Variants in RBM14 observed in about 807,000 individuals in gnomAD.
RBM14 encodes RNA-binding protein 14.
Under a neutral mutation model 52.8 loss-of-function variants are expected in RBM14, and 5 were observed. The observed-to-expected ratio is 0.09, with a 90% CI of 0.05 to 0.20. The LOEUF is 0.20. RBM14 is among the 10% of genes least tolerant of loss of function. The probability of loss-of-function intolerance (pLI) is 1.00; values close to 1 mark genes in which losing one functional copy is unlikely to be tolerated. For synonymous variants in RBM14, 411 were observed against 401.8 expected (o/e 1.02, Z -0.28); for missense variants, 780 against 926.6 (o/e 0.84, Z 2.05).
intron 1 of RBM14, among the ~76,000 whole-genome samples, chr11:66,619,697 G>A (rs914233355): frequency 6.6e-6 from 1 of 151,876 alleles, no homozygotes; most frequent in African/African-American, 2.4e-5. Flanking sequence ...CTCCCGAGTA[G>A]CTGGGACTAC....
In RBM14 at chr11:66,624,119, C is replaced by T. The variant is rs1937677473; in HGVS notation, c.338-95C>T. On this transcript the variant is annotated intron_variant, in intron 1 of 2. Coordinates refer to ENST00000310137, the MANE Select transcript of RBM14 (RefSeq NM_006328.4). This position sits in a 1 kb window ranked among gnomAD's most constrained non-coding sequence, Gnocchi z 4.7. The stretch of plus-strand genomic sequence containing the variant: ...GTTTGGAGGCCTTGGAGGTAGCTGG[C>T]AACAGCTGGGTGCTGTTGTGTGTCC... 6.5e-7 allele frequency: 1 copy of T among 1,540,440 alleles called. No individual in the cohort carries two copies. The highest frequency in any genetic ancestry group is 1.4e-5 in the African/African-American group (1 of 72,632).
rs770992514 is a variant in RBM14, at chr11:66,617,041, G to A, written c.321G>A (p.Glu107=). The A allele has an allele frequency of 6.9e-6, 11 of 1,592,666 alleles. No individual in the cohort carries two copies. Among genetic ancestry groups the A allele is most frequent in the Non-Finnish European group, 9.4e-6 (11 of 1,167,028 alleles). ...TCGAGCGCCGCGGACGCGTCATCGA[G>A]TGTGACGTGGTGAAAGGTAACGCGG... ...SLFERRGRVI[E]CDVVKDYAFV... is the part of the protein sequence containing the mutation. The change falls in exon 1 of 3, where the codon GAG becomes GAA. Residue 107 remains glutamate, a synonymous_variant. Transcript: ENST00000310137.
chr11:66,618,608 G>A, intron 1 of RBM14: 2 of 716,642 alleles, frequency 2.8e-6, no homozygotes, highest in Non-Finnish European at 5.2e-6. Flanking sequence ...TGGTGGGGGA[G>A]GGTCTCAGAT....
Position 66,621,352 on chromosome 11 carries a change from G to C in RBM14, c.338-2862G>C, listed in dbSNP as rs957623295. ...ATAAGGCTCTGGCCATGGGAGTGTT[G>C]AGGACAGAGTTGTGATAATTCATTT... On this transcript the variant is annotated intron_variant, in intron 1 of 2. Coordinates refer to ENST00000310137, the MANE Select transcript of RBM14 (RefSeq NM_006328.4). 2.6e-5 allele frequency among the ~76,000 whole-genome samples: 4 copies of C among 152,036 alleles called. No individual in the cohort carries two copies. In the East Asian group the frequency reaches 5.8e-4, roughly 22 times the overall value.
chr11:66,625,428 A>C lies in RBM14; in HGVS notation c.1552A>C (p.Thr518Pro), dbSNP rs1179533800. The change falls in exon 2 of 3, where the codon ACT becomes CCT. Residue 518 changes from threonine (T) to proline (P), a missense_variant. By Grantham distance (38) the Thr-to-Pro change is conservative (BLOSUM62 -1). This residue lies in a region of RBM14 where 675 missense variants were observed against 697.3 expected (regional missense o/e 0.97). Transcript: ENST00000310137. This position sits in a 1 kb window ranked among gnomAD's most constrained non-coding sequence, Gnocchi z 4.2. ...PSATLAAPYR[T>P]QSSASLAASY... ...TGCCACCCTGGCAGCTCCTTACCGC[A>C]CTCAGTCATCAGCCTCATTGGCTGC... 1.2e-6 allele frequency: 2 copies of C among 1,612,758 alleles called. No individual in the cohort carries two copies. Among genetic ancestry groups the C allele is most frequent in the African/African-American group, 2.7e-5 (2 of 74,618 alleles).
intron 1 of RBM14, among the ~76,000 whole-genome samples, chr11:66,617,852 A>G (rs1858913357): frequency 6.6e-6 from 1 of 152,122 alleles, no homozygotes; most frequent in Non-Finnish European, 1.5e-5. Context: ...CCAGTGCCCT[A>G]GGGCAGTGTC....
intron 1 of RBM14, chr11:66,620,933 C>T (rs547406292): frequency 4.6e-5 from 7 of 152,190 alleles, no homozygotes; most frequent in African/African-American, 1.7e-4. Flanking sequence ...TGCTTGCCAT[C>T]TCCAGGTGGT....
rs962634826 is a variant in RBM14 at position 66,627,232 on chromosome 11, G to A, written c.*564G>A. On this transcript the variant is annotated 3_prime_UTR_variant, in exon 3 of 3. Coordinates refer to ENST00000310137, the MANE Select transcript of RBM14 (RefSeq NM_006328.4). Reference sequence around the variant, plus strand: ...ACTAATGTTCTAGCTGATGGTGAGCGGCACAGTCCCACTTCCCCATCTCCC... The same window carrying A: ...ACTAATGTTCTAGCTGATGGTGAGCAGCACAGTCCCACTTCCCCATCTCCC... 5 of 152,232 alleles carry A rather than the reference G, an allele frequency of 3.3e-5. No individual in the cohort carries two copies. The highest frequency in any genetic ancestry group is 9.7e-5 in the African/African-American group (4 of 41,410). 9.4% of individuals were successfully genotyped at this position (152,232 alleles called of 1,614,324 possible).
Position 66,624,102 on chromosome 11 carries a change from G to A in RBM14, c.338-112G>A, listed in dbSNP as rs1937676688. ...TACTCCTGGAGAGGAGGGTTTGGAG[G>A]CCTTGGAGGTAGCTGGCAACAGCTG... is the stretch of plus-strand genomic sequence containing the variant. On this transcript the variant is annotated intron_variant, in intron 1 of 2. Transcript: ENST00000310137. The surrounding 1 kb of genome is among the most constrained non-coding windows in gnomAD (Gnocchi z 4.7). 6.5e-7 allele frequency: 1 copy of A among 1,528,754 alleles called. No homozygotes were observed. Among genetic ancestry groups the A allele is most frequent in the Admixed American group, 1.9e-5 (1 of 51,462 alleles). The allele number at this position is 1,528,754 out of a possible 1,614,324, so 94.7% of individuals were successfully genotyped here.
chr11:66,617,495 C>T, intron 1 of RBM14: 1 of 1,004,722 alleles, frequency 1.0e-6, no homozygotes, highest in Non-Finnish European at 1.2e-6. Context: ...AAGGTGGGGG[C>T]TGACGCCCCA....
Position 66,628,848 on chromosome 11 carries a change from C to T in RBM14, c.*2180C>T, listed in dbSNP as rs61740430. ...TCTCCAGTGAGGGTTCTGCCACTGT[C>T]TCAATCCCTTGGTTCCTGCAAAAAA... On this transcript the variant is annotated 3_prime_UTR_variant, in exon 3 of 3. Transcript: ENST00000310137. 0.013 allele frequency among the ~76,000 whole-genome samples: 1,957 copies of T among 152,282 alleles called. 45 individuals are homozygous for T. Among genetic ancestry groups the T allele is most frequent in the African/African-American group, 0.045 (1,860 of 41,534 alleles).
rs1937750442 is a variant in RBM14 at position 66,625,399 on chromosome 11, C to T, written c.1523C>T (p.Pro508Leu). ...GCCGCAGCAGCCTACGGGGCCCAAC[C>T]TTCTGCCACCCTGGCAGCTCCTTAC... ...YGAAAAYGAQ[P>L]SATLAAPYRT... The change falls in exon 2 of 3, where the codon CCT becomes CTT. Residue 508 changes from proline to leucine, a missense_variant. Physicochemically the swap from Pro to Leu is moderately conservative, Grantham distance 98 (BLOSUM62 -3). Around this residue, in one of 4 missense-constraint regions of RBM14, gnomAD observed 675 missense variants for 697.3 expected, o/e 0.97. Coordinates refer to ENST00000310137, the MANE Select transcript of RBM14 (RefSeq NM_006328.4). This position sits in a 1 kb window ranked among gnomAD's most constrained non-coding sequence, Gnocchi z 4.2. 3.7e-6 allele frequency: 6 copies of T among 1,613,520 alleles called. No individual in the cohort carries two copies. Among genetic ancestry groups the T allele is most frequent in the African/African-American group, 1.3e-5 (1 of 74,928 alleles).
chr11:66,622,586 C>A (rs1352786627), intron 1 of RBM14, among the ~76,000 whole-genome samples: 1 of 152,146 alleles, frequency 6.6e-6, no homozygotes, highest in East Asian at 1.9e-4. Flanking sequence ...GAACTGAGAC[C>A]ATTGAATTTC....
intron 1 of RBM14, chr11:66,617,429 T>TTTCTCCAC: frequency 4.7e-6 from 5 of 1,059,582 alleles, no homozygotes; most frequent in Non-Finnish European, 5.7e-6. Context: ...GCGGGGAAGA[T>TTTCTCCAC]TTCTCCACTT....
rs1937896049 is a variant in RBM14, at chr11:66,628,073, A to C, written c.*1405A>C. ...TATATTTGAAGGTATAGAATCTGGGAAAGGGTGGGGTGCAAGCTAACCAAA... is the reference window on the plus strand; with the variant it reads ...TATATTTGAAGGTATAGAATCTGGGCAAGGGTGGGGTGCAAGCTAACCAAA... On this transcript the variant is annotated 3_prime_UTR_variant, in exon 3 of 3. Coordinates refer to ENST00000310137, the MANE Select transcript of RBM14 (RefSeq NM_006328.4). 6.6e-6 allele frequency among the ~76,000 whole-genome samples: 1 copy of C among 152,054 alleles called. No homozygotes were observed. The highest frequency in any genetic ancestry group is 2.4e-5 in the African/African-American group (1 of 41,392).
Position 66,624,122 on chromosome 11 carries a change from CA to C in RBM14, c.338-91del. 2 of 1,540,632 alleles carry C rather than the reference CA, an allele frequency of 1.3e-6. No individual in the cohort carries two copies. ...TGGAGGCCTTGGAGGTAGCTGGCAA[CA>C]GCTGGGTGCTGTTGTGTGTCCAATT... On this transcript the variant is annotated intron_variant, in intron 1 of 2. Transcript: ENST00000310137. The surrounding 1 kb of genome is among the most constrained non-coding windows in gnomAD (Gnocchi z 4.7).
intron 1 of RBM14, among the ~76,000 whole-genome samples, chr11:66,623,277 T>C (rs1859198729): frequency 6.6e-6 from 1 of 152,232 alleles, no homozygotes; most frequent in African/African-American, 2.4e-5. Context: ...TGCAGTGTGG[T>C]CTGGGACAGG....
Position 66,629,546 on chromosome 11 carries a change from G to A in RBM14, c.*2878G>A, listed in dbSNP as rs943895608. Among the ~76,000 whole-genome samples, 1 of 152,184 alleles carries A rather than the reference G, an allele frequency of 6.6e-6. No individual in the cohort carries two copies. The highest frequency in any genetic ancestry group is 1.5e-5 in the Non-Finnish European group (1 of 68,042). On this transcript the variant is annotated 3_prime_UTR_variant, in exon 3 of 3. Transcript: ENST00000310137. ...TCTGCACAGACGGTTGGTCCTCCAGGCATATTGTCCTATTAAGCCAAATAG... is the reference window on the plus strand; with the variant it reads ...TCTGCACAGACGGTTGGTCCTCCAGACATATTGTCCTATTAAGCCAAATAG...
rs773547972 is a variant in RBM14, at chr11:66,625,326, G to C, written c.1450G>C (p.Gly484Arg). The C allele has an allele frequency of 6.2e-7, 1 of 1,609,800 alleles. No homozygotes were observed. Among genetic ancestry groups the C allele is most frequent in the Non-Finnish European group, 8.5e-7 (1 of 1,178,202 alleles). ...GGCCCAAGCATCAATGGGCCTTTCA[G>C]GCTCCTATGGGGCTCAGTCGGCTGC... ...YGAQASMGLSGSYGAQSAAAA... is the reference protein window; with the variant it reads ...YGAQASMGLSRSYGAQSAAAA... Residue 484 changes from glycine to arginine, a missense_variant, in exon 2 of 3, where the codon GGC becomes CGC. Physicochemically the swap from Gly to Arg is moderately radical, Grantham distance 125. Coordinates refer to ENST00000310137, the MANE Select transcript of RBM14 (RefSeq NM_006328.4). The surrounding 1 kb of genome is among the most constrained non-coding windows in gnomAD (Gnocchi z 4.2).
Sources: allele counts gnomAD v4.1 joint callset (sites outside exome capture counted in the v4.1 genomes callset), GRCh38; gene constraint gnomAD v4.1.1; regional missense constraint gnomAD v4.1.1; non-coding constraint Gnocchi (gnomAD v3.1); transcripts MANE v1.5; gene names NCBI Gene and HGNC (gene_info 2026-07-23, HGNC 2026-07-21).